MMP7: variants seen among roughly 807,000 people sequenced by gnomAD.
MMP7 encodes the protein matrilysin.
In MMP7, 26 loss-of-function variants were observed where a neutral mutation model predicts 31.5. The observed-to-expected ratio is 0.83, with a 90% CI of 0.61 to 1.15. The LOEUF (loss-of-function observed/expected upper bound fraction) is 1.15, where lower values mean the gene tolerates loss of function less well. Ranked by LOEUF, MMP7 falls within the 50% of genes most tolerant of loss-of-function variation. MMP7 has a pLI of 0.00. For synonymous variants in MMP7, 142 were observed against 124.2 expected (o/e 1.14, Z -0.95); for missense variants, 367 against 326.5 (o/e 1.12, Z -0.96).
chr11:102,527,705 C>T (rs78978042), intron 2 of MMP7, 33 bp from the exon 3 acceptor site: 332,432 of 1,612,638 alleles, frequency 0.21, 36,933 homozygotes, highest in Non-Finnish European at 0.23. Context: ...TGTTTGACCC[C>T]TAGGAAACAG....
chr11:102,524,780 T>A, intron 4 of MMP7, 156 bp downstream of exon 4: 3 of 734,128 alleles, frequency 4.1e-6, no homozygotes, highest in Non-Finnish European at 5.8e-6. Context: ...GCATTATGAG[T>A]ATATTACATG....
chr11:102,522,324 A>C (rs17352054), intron 5 of MMP7, among the ~76,000 whole-genome samples: 23,715 of 152,222 alleles, frequency 0.16, 2,311 homozygotes, highest in Non-Finnish European at 0.23. Context: ...CATTTGAAGA[A>C]TCTTAAGTGA....
intron 4 of MMP7, among the ~76,000 whole-genome samples, chr11:102,523,632 A>AT (rs978200543): frequency 7.9e-5 from 12 of 151,920 alleles, no homozygotes; most frequent in South Asian, 2.1e-4. Flanking sequence ...AAAATGTGTA[A>AT]TTTTTTTTAT....
chr11:102,525,091 T>TA, intron 3 of MMP7, 27 bp from the exon 4 acceptor site: 1 of 1,574,564 alleles, frequency 6.4e-7, no homozygotes, highest in Non-Finnish European at 8.6e-7. Flanking sequence ...TGATTGTTCT[T>TA]AGTGACTGAT....
rs1211136213 is a variant in MMP7, at chr11:102,522,678, T to C, written c.775+562A>G. ...GCTGACTCAATACAGTAAATCCAAA[T>C]CAGTGCACTTAAAAAAACTGAATTT... On this transcript the variant is annotated intron_variant, in intron 5 of 5. Transcript: ENST00000260227. Among the ~76,000 whole-genome samples the C allele has an allele frequency of 2.0e-5, 3 of 152,216 alleles. No homozygotes were observed. The East Asian group carries it at 5.8e-4, about 29-fold the overall frequency.
chr11:102,527,232 T>A, intron 3 of MMP7: 1 of 399,500 alleles, frequency 2.5e-6, no homozygotes, highest in Non-Finnish European at 4.6e-6. Flanking sequence ...CAGTCATAGG[T>A]AATAGGGAAA....
In MMP7 at chr11:102,530,591, A is replaced by C. The variant is rs775929148; in HGVS notation, c.108+2T>G. ...ACCCTAAGTAAGTGGGCTGTGACAT[A>C]CCTGAGCCTGTTCCCACTGTAGCTC... is the stretch of plus-strand genomic sequence containing the variant. On this transcript the variant is annotated splice_donor_variant, in intron 1 of 5. Coordinates refer to ENST00000260227, the MANE Select transcript of MMP7 (RefSeq NM_002423.5). LOFTEE classifies it high-confidence loss of function. 1.2e-6 allele frequency: 2 copies of C among 1,612,278 alleles called. No individual in the cohort carries two copies. The highest frequency in any genetic ancestry group is 2.2e-5 in the South Asian group (2 of 91,006).
chr11:102,526,388 C>A (rs947464392), intron 3 of MMP7, among the ~76,000 whole-genome samples: 19 of 151,794 alleles, frequency 1.3e-4, no homozygotes, highest in Admixed American at 1.1e-3. Flanking sequence ...TACAGGCATG[C>A]GTCACCATGC....
At chr11:102,530,170 A>C (rs903909609) in intron 1 of MMP7, among the ~76,000 whole-genome samples, 1 of 152,344 alleles carries the variant, frequency 6.6e-6, no homozygotes, top group African/African-American at 2.4e-5. Flanking sequence ...TTGTATCTTA[A>C]GAGGCAATAT....
At chr11:102,525,533 G>C (rs1224992568) in intron 3 of MMP7, among the ~76,000 whole-genome samples, 2 of 151,606 alleles carry the variant, frequency 1.3e-5, no homozygotes, top group African/African-American at 2.4e-5. Context: ...GGTAGTTTGG[G>C]TGCTTTCTTG....
chr11:102,525,159 A>G lies in MMP7; in HGVS notation c.485-95T>C. ...TTATACGATTATTGAGGCTAGAAAA[A>G]GCAGCCCAGTCCAGGCCAGGCATGG... On this transcript the variant is annotated intron_variant, in intron 3 of 5. Coordinates refer to ENST00000260227, the MANE Select transcript of MMP7 (RefSeq NM_002423.5). 5 of 1,460,092 alleles carry G rather than the reference A, an allele frequency of 3.4e-6. No homozygotes were observed. In the South Asian group the frequency reaches 4.2e-5, roughly 12 times the overall value. 90.4% of individuals were successfully genotyped at this position (1,460,092 alleles called of 1,614,324 possible).
rs373052462 is a variant in MMP7 at position 102,530,726 on chromosome 11, T to C, written c.-26A>G. 1.4e-5 allele frequency: 22 copies of C among 1,598,108 alleles called. No individual in the cohort carries two copies. The highest frequency in any genetic ancestry group is 9.4e-6 in the Non-Finnish European group (11 of 1,167,892). ...AGCTGCCGTCCAGAGACAATTGTTCTTGGACCTATGGTTGATTTGGTGTTT... is the reference window on the plus strand; with the variant it reads ...AGCTGCCGTCCAGAGACAATTGTTCCTGGACCTATGGTTGATTTGGTGTTT... On this transcript the variant is annotated 5_prime_UTR_variant, in exon 1 of 6. Coordinates refer to ENST00000260227, the MANE Select transcript of MMP7 (RefSeq NM_002423.5).
chr11:102,528,578 G>C (rs925052153), intron 1 of MMP7, among the ~76,000 whole-genome samples: 1 of 152,210 alleles, frequency 6.6e-6, no homozygotes, highest in South Asian at 2.1e-4. Context: ...AACTGGACTT[G>C]ACTTTCCTGA....
At chr11:102,529,915 A>G (rs1005354031) in intron 1 of MMP7, among the ~76,000 whole-genome samples, 7 of 152,222 alleles carry the variant, frequency 4.6e-5, no homozygotes, top group African/African-American at 1.4e-4. Flanking sequence ...TTTATAATCT[A>G]CAATTGTTAC....
intron 4 of MMP7, 127 bp downstream of exon 4, chr11:102,524,809 A>C: frequency 3.0e-6 from 3 of 1,013,202 alleles, no homozygotes; most frequent in Non-Finnish European, 4.0e-6. Context: ...CATTTCAGGC[A>C]TATAGTACAG....
At chr11:102,520,869 A>T (rs1218771260) in intron 5 of MMP7, 65 bp from the exon 6 acceptor site, 1 of 1,063,040 alleles carries the variant, frequency 9.4e-7, no homozygotes, top group East Asian at 2.4e-5. Context: ...TCCTAAGATT[A>T]TACAGGCAAA....
intron 1 of MMP7, among the ~76,000 whole-genome samples, chr11:102,529,125 T>C (rs1858704747): frequency 6.6e-6 from 1 of 152,216 alleles, no homozygotes; most frequent in South Asian, 2.1e-4. Context: ...CTCACTAATT[T>C]GCAGTTTATT....
At chr11:102,529,604 AC>A (rs1858709764) in intron 1 of MMP7, among the ~76,000 whole-genome samples, 1 of 152,216 alleles carries the variant, frequency 6.6e-6, no homozygotes. Flanking sequence ...TATAACTGGA[AC>A]TTTTTAAAAG....
intron 1 of MMP7, 149 bp downstream of exon 1, chr11:102,530,444 G>A (rs1193149478): frequency 9.1e-6 from 6 of 659,490 alleles, no homozygotes; most frequent in African/African-American, 1.8e-5. Flanking sequence ...GCTACTTGAT[G>A]AAAACATATA....
Sources: allele counts gnomAD v4.1 joint callset (sites outside exome capture counted in the v4.1 genomes callset), GRCh38; gene constraint gnomAD v4.1.1; transcripts MANE v1.5; gene names NCBI Gene and HGNC (gene_info 2026-07-23, HGNC 2026-07-21).